The following POM121C variants were observed in gnomAD, a reference collection of about 807,000 sequenced individuals.
POM121C encodes nuclear envelope pore membrane protein POM 121C.
In POM121C, 20 loss-of-function variants were observed where a neutral mutation model predicts 66.4. The observed-to-expected ratio is 0.30, with a 90% confidence interval of 0.21 to 0.44. POM121C has a LOEUF of 0.44. POM121C is among the 20% of genes least tolerant of loss of function. POM121C has a pLI of 1.00. For synonymous variants in POM121C, 286 were observed against 528.0 expected, an observed-to-expected ratio of 0.54 and a Z score of 6.28; for missense variants, 580 against 1,225.7, an observed-to-expected ratio of 0.47 and a Z score of 7.87.
chr7:75,422,147 T>C lies in POM121C; in HGVS notation c.2105A>G (p.Asn702Ser). The change falls in exon 13 of 15, where the codon AAC (asparagine) becomes AGC (serine). Residue 702 changes from asparagine to serine, a missense_variant. Physicochemically the swap from Asn to Ser is conservative, Grantham distance 46 (BLOSUM62 1). Transcript: ENST00000615331. ...AGCGGCCCCAAATGCGGGCTGGGGG[T>C]TGGCTCCCGGATATGATGGGAGCGG... ...KSPLPSYPGANPQPAFGAAEG... is the reference protein window; with the variant it reads ...KSPLPSYPGASPQPAFGAAEG... The C allele has an allele frequency of 6.2e-7, 1 of 1,600,918 alleles. No individual in the cohort carries two copies. Among genetic ancestry groups the C allele is most frequent in the Non-Finnish European group, 8.5e-7 (1 of 1,172,202 alleles).
At chr7:75,470,893 C>CAA (rs1791847761) in intron 3 of POM121C, among the ~76,000 whole-genome samples, 1 of 152,004 alleles carries the variant, frequency 6.6e-6, no homozygotes, top group Admixed American at 6.6e-5. Flanking sequence ...CTCGACCACT[C>CAA]AAAGTGCTGG....
At chr7:75,439,492 TCTC>T (rs1353966995) in intron 5 of POM121C, among the ~76,000 whole-genome samples, 2 of 152,150 alleles carry the variant, frequency 1.3e-5, no homozygotes, top group Admixed American at 1.3e-4. Flanking sequence ...TTCAACCAAT[TCTC>T]CTGCCTCAGC....
rs1789515808 is a variant in POM121C, at chr7:75,417,490, C to T, written c.*1306G>A. 1 of 983,194 alleles carries T rather than the reference C, an allele frequency of 1.0e-6. No individual in the cohort carries two copies. The highest frequency in any genetic ancestry group is 1.7e-5 in the African/African-American group (1 of 57,158). The allele number at this position is 983,194 out of a possible 1,614,324, so 60.9% of individuals were successfully genotyped here. Reference sequence around the variant, plus strand: ...AATTTAGACACACGCATTCATACTTCTCCCAAAGAGGTTGGGCGTGACAGC... The same window carrying T: ...AATTTAGACACACGCATTCATACTTTTCCCAAAGAGGTTGGGCGTGACAGC... On this transcript the variant is annotated 3_prime_UTR_variant, in exon 15 of 15. Coordinates refer to ENST00000615331, the MANE Select transcript of POM121C (RefSeq NM_001099415.3).
At chr7:75,483,706 T>C (rs1554480495) in intron 1 of POM121C, among the ~76,000 whole-genome samples, 1 of 152,152 alleles carries the variant, frequency 6.6e-6, no homozygotes, top group African/African-American at 2.4e-5. Flanking sequence ...CCTTAAAATA[T>C]ACTACCCATA....
chr7:75,424,221 A>G lies in POM121C; in HGVS notation c.876T>C (p.Ala292=). 1 of 1,611,966 alleles carries G rather than the reference A, an allele frequency of 6.2e-7. No individual in the cohort carries two copies. Among genetic ancestry groups the G allele is most frequent in the South Asian group, 1.1e-5 (1 of 90,984 alleles). Residue 292 remains alanine (A), a synonymous_variant, in exon 12 of 15, where the codon GCT becomes GCC. Transcript: ENST00000615331. ...GGGTCTCAGTGACAGAGTTCGAGGC[A>G]GCATCTAAGAAAGAAAGAAAGGTGA... The part of the protein sequence containing the change: ...FNQALEDKSD[A]ASNSVTETPP...
chr7:75,477,997 G>A (rs782145818), intron 1 of POM121C, among the ~76,000 whole-genome samples: 3 of 151,984 alleles, frequency 2.0e-5, no homozygotes, highest in East Asian at 1.9e-4. Context: ...ATGAAGTCTC[G>A]CTCTTGTCTT....
chr7:75,459,558 C>T (rs1209108872), intron 3 of POM121C, among the ~76,000 whole-genome samples: 9 of 83,004 alleles, frequency 1.1e-4, no homozygotes, highest in Non-Finnish European at 1.7e-4. Flanking sequence ...TGAGATCACA[C>T]CAGTGCACTC....
At chr7:75,469,608 C>T (rs1791795882) in intron 3 of POM121C, among the ~76,000 whole-genome samples, 1 of 152,170 alleles carries the variant, frequency 6.6e-6, no homozygotes, top group African/African-American at 2.4e-5. Flanking sequence ...CTCTGTTCAA[C>T]CTGCAAAGAT....
rs1219260377 is a variant in POM121C, at chr7:75,425,820, T to C, written c.573-112A>G. On this transcript the variant is annotated intron_variant, in intron 8 of 14. Transcript: ENST00000615331. ...TGGCCAACATCTAAAACAACCATCA[T>C]TTAAGATCTCAGTATGCCAGGATAA... 6.9e-5 allele frequency: 70 copies of C among 1,021,672 alleles called. No individual in the cohort carries two copies. The African/African-American group carries it at 1.1e-3, about 16-fold the overall frequency. 63.3% of individuals were successfully genotyped at this position (1,021,672 alleles called of 1,614,324 possible).
At chr7:75,443,902 GCA>G (rs2116423255) in intron 3 of POM121C, among the ~76,000 whole-genome samples, 1 of 34,096 alleles carries the variant, frequency 2.9e-5, no homozygotes, top group African/African-American at 8.3e-5. Flanking sequence ...TCATGCCACT[GCA>G]CACTCCAGCC....
chr7:75,421,248 T>A, intron 13 of POM121C: 2 of 1,083,624 alleles, frequency 1.8e-6, no homozygotes, highest in Non-Finnish European at 2.5e-6. Flanking sequence ...AATATTGGGA[T>A]TACAAGCATG....
In POM121C at chr7:75,485,888, C is replaced by A; in HGVS notation, c.-482G>T. The A allele has an allele frequency of 7.9e-6, 4 of 503,772 alleles. No homozygotes were observed. Among genetic ancestry groups the A allele is most frequent in the Non-Finnish European group, 1.2e-5 (3 of 255,362 alleles). 31.2% of individuals were successfully genotyped at this position (503,772 alleles called of 1,614,324 possible). A position where few individuals can be genotyped will look rare whatever the true frequency, so the allele number is the denominator to read the frequency against. On this transcript the variant is annotated 5_prime_UTR_variant, in exon 1 of 15. Transcript: ENST00000615331. ...CCCTCCTGGGGCTCCGCAGCCTCTG[C>A]CCCACGGCTCCCGAGAGGCCGGGGC...
At chr7:75,452,826 T>C (rs1791064821) in intron 3 of POM121C, among the ~76,000 whole-genome samples, 1 of 152,156 alleles carries the variant, frequency 6.6e-6, no homozygotes, top group South Asian at 2.1e-4. Flanking sequence ...CTTCACCCTC[T>C]TCCCTGAAGA....
At chr7:75,467,543 A>AAG (rs1200564329) in intron 3 of POM121C, among the ~76,000 whole-genome samples, 1 of 151,570 alleles carries the variant, frequency 6.6e-6, no homozygotes, top group East Asian at 1.9e-4. Flanking sequence ...AAAAAAAAAA[A>AAG]AAAAAAAAAA....
Position 75,425,130 on chromosome 7 carries a change from G to A in POM121C, c.712C>T (p.Gln238Ter), listed in dbSNP as rs1385068194. 1 of 1,480,710 alleles carries A rather than the reference G, an allele frequency of 6.8e-7. No individual in the cohort carries two copies. Among genetic ancestry groups the A allele is most frequent in the African/African-American group, 1.4e-5 (1 of 69,240 alleles). 91.7% of individuals were successfully genotyped at this position (1,480,710 alleles called of 1,614,324 possible). Residue 238 changes from glutamine (Q) to a stop codon, truncating the protein, a stop_gained, in exon 10 of 15, where the codon CAG becomes TAG. Transcript: ENST00000615331. LOFTEE classifies it high-confidence loss of function. ...NSQSTPGSSG[Q>*]RKRKVQLLPS... is the part of the protein sequence containing the mutation. Reference sequence around the variant, plus strand: ...AGCAGCTGAACTTTCCGCTTACGCTGCCCAGAGCTGCCAGGTGTAGACTGA... The same window carrying A: ...AGCAGCTGAACTTTCCGCTTACGCTACCCAGAGCTGCCAGGTGTAGACTGA...
At chr7:75,452,046 C>T in intron 3 of POM121C, among the ~76,000 whole-genome samples, 1 of 151,942 alleles carries the variant, frequency 6.6e-6, no homozygotes, top group East Asian at 1.9e-4. Context: ...CACCTATAAT[C>T]TCAGCTACTT....
intron 7 of POM121C, among the ~76,000 whole-genome samples, chr7:75,431,603 CAAAAAAAAAAAA>C (rs71098029): frequency 7.9e-5 from 4 of 50,758 alleles, no homozygotes; most frequent in Non-Finnish European, 1.3e-4. Flanking sequence ...AACTCCGTCT[CAAAAAAAAAAAA>C]AAAAAAAAAA....
intron 7 of POM121C, among the ~76,000 whole-genome samples, chr7:75,430,074 T>G (rs1453370294): frequency 6.6e-6 from 1 of 152,190 alleles, no homozygotes; most frequent in Non-Finnish European, 1.5e-5. Context: ...GTCAATATTA[T>G]AACAATGTTA....
chr7:75,428,039 C>T (rs1383037189), intron 7 of POM121C, among the ~76,000 whole-genome samples: 1 of 152,164 alleles, frequency 6.6e-6, no homozygotes, highest in Non-Finnish European at 1.5e-5. Flanking sequence ...AAAAACTCAT[C>T]AAAGGGATCC....
Sources: gnomAD v4.1 joint callset for allele counts (sites outside exome capture counted in the v4.1 genomes callset) on GRCh38, gnomAD v4.1.1 for gene constraint, MANE v1.5 for transcripts, NCBI Gene and HGNC (gene_info 2026-07-23, HGNC 2026-07-21) for gene names.